SYTL2: variants seen among roughly 807,000 people sequenced by gnomAD.
SYTL2 encodes the protein synaptotagmin like 2.
Under a neutral mutation model 198.7 loss-of-function variants are expected in SYTL2, and 165 were observed. The ratio of observed to expected loss-of-function variants is 0.83; its 90% CI spans 0.73 to 0.94. SYTL2 has a LOEUF of 0.94. SYTL2 is among the 40% of genes least tolerant of loss of function. SYTL2 has a pLI of 0.00. For missense variants in SYTL2, 2,835 were observed against 2,582.8 expected, an observed-to-expected ratio of 1.10 and a Z score of -2.12; for synonymous variants, 966 against 917.7, an observed-to-expected ratio of 1.05 and a Z score of -0.95.
At chr11:85,746,438 T>G (rs2091158755) in intron 3 of SYTL2, among the ~76,000 whole-genome samples, 1 of 152,238 alleles carries the variant, frequency 6.6e-6, no homozygotes, top group Non-Finnish European at 1.5e-5. Flanking sequence ...AGCAACTGAA[T>G]GATAACTAAC....
Position 85,726,292 on chromosome 11 carries a change from T to A in SYTL2, c.3066A>T (p.Glu1022Asp), listed in dbSNP as rs2089165265. The change falls in exon 8 of 20, where the codon GAA (glutamate) becomes GAT (aspartate). Residue 1022 changes from glutamate (E) to aspartate (D), a missense_variant. By Grantham distance (45) the Glu-to-Asp change is conservative (BLOSUM62 2). Transcript: ENST00000359152. ...TACCTGATAATTTAATGTCGCTGAA[T>A]TCCTTGTGTTTCTGCCTATTAAAAG... Reference protein sequence around the residue: ...SAPFNRQKHKEFSDIKLSGKN... With the variant: ...SAPFNRQKHKDFSDIKLSGKN... 1 of 1,613,954 alleles carries A rather than the reference T, an allele frequency of 6.2e-7. No individual in the cohort carries two copies. The highest frequency in any genetic ancestry group is 1.3e-5 in the African/African-American group (1 of 74,910).
In SYTL2 at chr11:85,799,614, A is replaced by C. The variant is rs545682813; in HGVS notation, c.-390+11340T>G. On this transcript the variant is annotated intron_variant, in intron 1 of 19. Transcript: ENST00000359152. ...CTCAGCTCCTGCCAGCCTTACCTTG[A>C]ACATGAAACCATGCTTGCCATGCTA... is the stretch of plus-strand genomic sequence containing the variant. 3.3e-5 allele frequency among the ~76,000 whole-genome samples: 5 copies of C among 152,324 alleles called. No individual in the cohort carries two copies. In the East Asian group the frequency reaches 9.6e-4, roughly 29 times the overall value.
At position 85,726,646 on chromosome 11, in the gene SYTL2, C is replaced by T. The variant is rs2089219491; in HGVS notation, c.2712G>A (p.Gln904=). The T allele has an allele frequency of 6.5e-7, 1 of 1,537,286 alleles. No individual in the cohort carries two copies. The highest frequency in any genetic ancestry group is 1.2e-5 in the South Asian group (1 of 84,378). The change falls in exon 8 of 20, where the codon CAG becomes CAA. Residue 904 remains glutamine, a synonymous_variant. Transcript: ENST00000359152. ...AEQSDKVSLF[Q]NKKNEPIKRS... ...TTTTTATAGGCTCATTTTTCTTATTCTGAAACAGAGACACTTTATCTGATT... is the reference window on the plus strand; with the variant it reads ...TTTTTATAGGCTCATTTTTCTTATTTTGAAACAGAGACACTTTATCTGATT...
At chr11:85,697,738 A>G (rs994140465) in intron 18 of SYTL2, among the ~76,000 whole-genome samples, 9 of 152,280 alleles carry the variant, frequency 5.9e-5, no homozygotes, top group Admixed American at 2.0e-4. Flanking sequence ...TTTCCCTAGA[A>G]CACATTACAC....
At chr11:85,795,501 T>G (rs2092790828) in intron 1 of SYTL2, among the ~76,000 whole-genome samples, 1 of 152,182 alleles carries the variant, frequency 6.6e-6, no homozygotes, top group Non-Finnish European at 1.5e-5. Context: ...AAAAATTTAT[T>G]TGTTCATGAT....
intron 1 of SYTL2, among the ~76,000 whole-genome samples, chr11:85,761,469 A>C (rs942751449): frequency 3.3e-5 from 5 of 152,214 alleles, no homozygotes; most frequent in Admixed American, 3.3e-4. Context: ...GAGCAGGAGG[A>C]GAGGAGGCCG....
intron 1 of SYTL2, among the ~76,000 whole-genome samples, chr11:85,772,396 G>T (rs2092372664): frequency 6.6e-6 from 1 of 152,186 alleles, no homozygotes; most frequent in Non-Finnish European, 1.5e-5. Flanking sequence ...CATTGAATAA[G>T]TCTTAATGAA....
intron 12 of SYTL2, among the ~76,000 whole-genome samples, chr11:85,713,871 G>T (rs925269223): frequency 2.6e-5 from 4 of 152,154 alleles, no homozygotes; most frequent in Non-Finnish European, 4.4e-5. Flanking sequence ...CCCCCTTCTA[G>T]CTGAGTGAGG....
chr11:85,749,656 G>A lies in SYTL2; in HGVS notation c.102-1233C>T, dbSNP rs182659502. Among the ~76,000 whole-genome samples the A allele has an allele frequency of 6.6e-5, 10 of 152,256 alleles. No individual in the cohort carries two copies. In the East Asian group the frequency reaches 1.9e-3, roughly 29 times the overall value. On this transcript the variant is annotated intron_variant, in intron 2 of 19. Transcript: ENST00000359152. ...CCATCTATAAACCCTAACAGGGAGAGCATCATTGCTTCATAGTTCTCAGTC... is the reference window on the plus strand; with the variant it reads ...CCATCTATAAACCCTAACAGGGAGAACATCATTGCTTCATAGTTCTCAGTC...
rs113831230 is a variant in SYTL2 at position 85,707,980 on chromosome 11, A to ACACG, written c.5916-450_5916-449insCGTG. The ACACG allele has an allele frequency of 3.3e-4, 65 of 195,234 alleles. 1 individual carries two copies. The highest frequency in any genetic ancestry group is 1.6e-3 in the African/African-American group (60 of 38,702). The allele number at this position is 195,234 out of a possible 1,614,324, so 12.1% of individuals were successfully genotyped here. ...TCAAAAAAAAAAAAAAAAAAACCAC[A>ACACG]CACACACACACACACACACACAGAG... is the stretch of plus-strand genomic sequence containing the variant. On this transcript the variant is annotated intron_variant, in intron 14 of 19. Transcript: ENST00000359152.
the SYTL2 span, among the ~76,000 whole-genome samples, chr11:85,852,065 G>T: frequency 6.6e-5 from 10 of 152,162 alleles, no homozygotes; most frequent in Non-Finnish European, 1.3e-4. Context: ...ATATTTTACT[G>T]ATGAGAAAAA....
Position 85,722,377 on chromosome 11 carries a change from T to C in SYTL2, c.5327-1418A>G, listed in dbSNP as rs555235610. On this transcript the variant is annotated intron_variant, in intron 8 of 19. Coordinates refer to ENST00000359152, the MANE Select transcript of SYTL2 (RefSeq NM_206927.4). ...TTTTAGTAGAGATGGGGTTTCACCA[T>C]GTTAGCCAGGATGGTCTCGATATCC... Among the ~76,000 whole-genome samples the C allele has an allele frequency of 3.3e-5, 5 of 152,168 alleles. No homozygotes were observed. In the East Asian group the frequency reaches 7.7e-4, roughly 24 times the overall value.
At chr11:85,719,675 G>A (rs2087973979) in intron 9 of SYTL2, among the ~76,000 whole-genome samples, 1 of 152,046 alleles carries the variant, frequency 6.6e-6, no homozygotes. Context: ...ATTGAGGGGA[G>A]GTTAAAATGG....
chr11:85,795,104 G>C (rs865967744), intron 1 of SYTL2, among the ~76,000 whole-genome samples: 2 of 152,108 alleles, frequency 1.3e-5, no homozygotes, highest in Non-Finnish European at 2.9e-5. Flanking sequence ...ACATGCACTT[G>C]TATGTATAAA....
chr11:85,701,501 T>C (rs1002541645), intron 16 of SYTL2, among the ~76,000 whole-genome samples: 2 of 152,238 alleles, frequency 1.3e-5, no homozygotes, highest in Non-Finnish European at 2.9e-5. Context: ...AGTTTTTTAC[T>C]TTCAAATTCT....
chr11:85,770,717 C>T (rs776437190), intron 1 of SYTL2, among the ~76,000 whole-genome samples: 13 of 152,178 alleles, frequency 8.5e-5, no homozygotes, highest in Non-Finnish European at 1.8e-4. Context: ...ACATCCAACC[C>T]TTTCCTATCA....
intron 7 of SYTL2, among the ~76,000 whole-genome samples, chr11:85,730,790 G>C (rs1055276040): frequency 2.0e-5 from 3 of 152,284 alleles, no homozygotes; most frequent in African/African-American, 7.2e-5. Flanking sequence ...AATAGGAAGA[G>C]AGGAGGTCAA....
chr11:85,825,158 G>A, the SYTL2 span, among the ~76,000 whole-genome samples: 23 of 152,162 alleles, frequency 1.5e-4, no homozygotes, highest in African/African-American at 5.3e-4. Context: ...GGAGGCCGAG[G>A]CGGGCGGATC....
chr11:85,850,928 A>G, the SYTL2 span, among the ~76,000 whole-genome samples: 2 of 149,504 alleles, frequency 1.3e-5, no homozygotes, highest in East Asian at 3.9e-4. Context: ...TCGCAAGAAC[A>G]AAAAACCAAA....
Sources: gnomAD v4.1 joint callset for allele counts (sites outside exome capture counted in the v4.1 genomes callset) on GRCh38, gnomAD v4.1.1 for gene constraint, MANE v1.5 for transcripts, NCBI Gene and HGNC (gene_info 2026-07-23, HGNC 2026-07-21) for gene names.